The following ACTN2 variants were observed in gnomAD, a reference collection of about 807,000 sequenced individuals.
The protein encoded by ACTN2 is actinin alpha 2, also known as alpha-actinin-2.
Under a neutral mutation model 113.8 loss-of-function variants are expected in ACTN2, and 39 were observed. The ratio of observed to expected loss-of-function variants is 0.34; its 90% CI spans 0.27 to 0.45. The LOEUF is 0.45. Ranked by LOEUF, ACTN2 falls within the 20% of genes least tolerant of loss-of-function variation. The pLI, the probability that ACTN2 is intolerant of heterozygous loss-of-function variation, is 1.00. For synonymous variants in ACTN2, 429 were observed against 444.1 expected, an observed-to-expected ratio of 0.97 and a Z score of 0.43; for missense variants, 992 against 1,177.9, an observed-to-expected ratio of 0.84 and a Z score of 2.31.
intron 1 of ACTN2, among the ~76,000 whole-genome samples, chr1:236,717,474 A>C (rs984925985): frequency 2.0e-5 from 3 of 152,100 alleles, no homozygotes; most frequent in African/African-American, 7.2e-5. Context: ...TTATTCATCT[A>C]TTCTGCTGCA....
At chr1:236,731,111 C>T (rs1482613813) in intron 6 of ACTN2, 122 bp from the exon 7 acceptor site, 2 of 717,544 alleles carry the variant, frequency 2.8e-6, no homozygotes, top group South Asian at 1.6e-5. Flanking sequence ...GAAAGTTACA[C>T]TATTATGATT....
At chr1:236,692,719 G>T (rs891109054) in intron 1 of ACTN2, among the ~76,000 whole-genome samples, 2 of 152,206 alleles carry the variant, frequency 1.3e-5, no homozygotes, top group East Asian at 3.9e-4. Context: ...TTGGGACACC[G>T]TGATGTGTCC....
rs1658720023 is a variant in ACTN2, at chr1:236,731,807, TG to T, written c.697+494del. On this transcript the variant is annotated intron_variant, in intron 7 of 20. Transcript: ENST00000366578. ...GTGTACCATCCAAACTTTCACATAT[TG>T]TTTTTAATTCATCTAAATTTAATTT... Among the ~76,000 whole-genome samples the T allele has an allele frequency of 4.6e-5, 7 of 152,352 alleles. No homozygotes were observed. The South Asian group carries it at 1.4e-3, about 32-fold the overall frequency.
intron 19 of ACTN2, 74 bp from the exon 20 acceptor site, chr1:236,760,941 G>A: frequency 6.3e-7 from 1 of 1,585,198 alleles, no homozygotes. Context: ...CATGTCACCA[G>A]GGAAAGAATG....
chr1:236,696,546 T>C (rs543841816), intron 1 of ACTN2, among the ~76,000 whole-genome samples: 11 of 152,268 alleles, frequency 7.2e-5, no homozygotes, highest in Admixed American at 2.6e-4. Flanking sequence ...TTATGAGGAT[T>C]TTAAGATAAT....
chr1:236,709,249 TATATATAC>T lies in ACTN2; in HGVS notation c.127-8607_127-8600del, dbSNP rs1480048163. On this transcript the variant is annotated intron_variant, in intron 1 of 20. Coordinates refer to ENST00000366578, the MANE Select transcript of ACTN2 (RefSeq NM_001103.4). The stretch of plus-strand genomic sequence containing the variant: ...ATATATATATATATATATATATATA[TATATATAC>T]ACACACACACACACATATATATGTA... Among the ~76,000 whole-genome samples, 412 of 89,080 alleles carry T rather than the reference TATATATAC, an allele frequency of 4.6e-3. 3 individuals carry two copies. Among genetic ancestry groups the T allele is most frequent in the African/African-American group, 0.014 (383 of 26,928 alleles). The allele number at this position is 89,080 out of a possible 152,430, so 58.4% of individuals were successfully genotyped here.
intron 12 of ACTN2, 141 bp from the exon 13 acceptor site, chr1:236,747,526 C>T (rs1659271759): frequency 2.8e-6 from 2 of 723,146 alleles, no homozygotes; most frequent in East Asian, 2.8e-5. Context: ...CACTGTCTAT[C>T]AGCCCACTCT....
At chr1:236,690,223 C>T (rs907713007) in intron 1 of ACTN2, among the ~76,000 whole-genome samples, 5 of 152,156 alleles carry the variant, frequency 3.3e-5, no homozygotes, top group Admixed American at 3.3e-4. Context: ...GAGGCAGCCG[C>T]CCACAGGGTT....
At chr1:236,746,118 A>C (rs187798191) in intron 12 of ACTN2, among the ~76,000 whole-genome samples, 118 of 147,606 alleles carry the variant, frequency 8.0e-4, no homozygotes, top group African/African-American at 2.9e-3. Flanking sequence ...GTGAGCCGAG[A>C]TCAGGCCACT....
chr1:236,746,319 G>A (rs766813532), intron 12 of ACTN2, among the ~76,000 whole-genome samples: 11 of 152,082 alleles, frequency 7.2e-5, no homozygotes, highest in African/African-American at 2.7e-4. Context: ...AACTTCCATG[G>A]TTCTTGATTT....
intron 1 of ACTN2, among the ~76,000 whole-genome samples, chr1:236,692,614 A>G (rs9943223): frequency 0.042 from 6,404 of 152,266 alleles, 459 homozygotes; most frequent in African/African-American, 0.14. Context: ...CTGCACCCAG[A>G]GGGACTGTAA....
chr1:236,741,546 CA>C (rs1179530105), intron 10 of ACTN2, among the ~76,000 whole-genome samples: 2 of 152,334 alleles, frequency 1.3e-5, no homozygotes, highest in Admixed American at 6.5e-5. Flanking sequence ...CCCCCAAACC[CA>C]GGTTTCATCC....
At chr1:236,702,207 G>A (rs1354549325) in intron 1 of ACTN2, among the ~76,000 whole-genome samples, 3 of 152,180 alleles carry the variant, frequency 2.0e-5, no homozygotes, top group Admixed American at 1.3e-4. Context: ...TTGGATCCAA[G>A]TTAAGTCGTT....
chr1:236,725,867 T>C, intron 4 of ACTN2, 66 bp from the exon 5 acceptor site: 1 of 1,462,256 alleles, frequency 6.8e-7, no homozygotes, highest in South Asian at 1.1e-5. Flanking sequence ...GTTTCAAAAG[T>C]GACTAGGAGC....
chr1:236,709,956 A>T (rs1657976122), intron 1 of ACTN2, among the ~76,000 whole-genome samples: 2 of 150,978 alleles, frequency 1.3e-5, no homozygotes, highest in South Asian at 4.2e-4. Flanking sequence ...ATGTTGCCAA[A>T]TTTTTTTTTT....
At chr1:236,761,277 A>G (rs1659700543) in intron 20 of ACTN2, 104 bp downstream of exon 20, 1 of 1,360,952 alleles carries the variant, frequency 7.3e-7, no homozygotes, top group Non-Finnish European at 1.0e-6. Flanking sequence ...ATGCCGGTGT[A>G]TTTTGTACAA....
At chr1:236,737,297 G>GTATATATTTATA in intron 9 of ACTN2, 83 bp downstream of exon 9, 1 of 318,344 alleles carries the variant, frequency 3.1e-6, no homozygotes, top group Non-Finnish European at 6.4e-6. Flanking sequence ...CTCCGTGGGG[G>GTATATATTTATA]CATATATATA....
At chr1:236,711,879 G>A (rs1172057454) in intron 1 of ACTN2, among the ~76,000 whole-genome samples, 2 of 152,218 alleles carry the variant, frequency 1.3e-5, no homozygotes, top group African/African-American at 4.8e-5. Context: ...GGTTCTGCAT[G>A]TGTCAGGGCA....
intron 10 of ACTN2, 111 bp from the exon 11 acceptor site, chr1:236,742,785 G>A: frequency 7.2e-7 from 1 of 1,391,962 alleles, no homozygotes; most frequent in East Asian, 2.3e-5. Context: ...AAAACAAAAG[G>A]AAAACACCAT....
Sources: gnomAD v4.1 joint callset for allele counts (sites outside exome capture counted in the v4.1 genomes callset) on GRCh38, gnomAD v4.1.1 for gene constraint, MANE v1.5 for transcripts, NCBI Gene and HGNC (gene_info 2026-07-23, HGNC 2026-07-21) for gene names.